The following MARCHF1 variants were observed in gnomAD, a reference collection of about 807,000 sequenced individuals.
The protein encoded by MARCHF1 is membrane associated ring-CH-type finger 1.
In MARCHF1, 40 loss-of-function variants were observed where a neutral mutation model predicts 54.2. The observed-to-expected ratio is 0.74, with a 90% CI of 0.57 to 0.96. The LOEUF (loss-of-function observed/expected upper bound fraction) is 0.96, where lower values mean the gene tolerates loss of function less well. MARCHF1 is among the 40% of genes least tolerant of loss of function. MARCHF1 has a pLI of 0.00. For missense variants in MARCHF1, 586 were observed against 656.5 expected (o/e 0.89, Z 1.17); for synonymous variants, 236 against 236.3 (o/e 1.00, Z 0.01).
At chr4:163,690,877 C>G in intron 5 of MARCHF1, among the ~76,000 whole-genome samples, 1 of 152,290 alleles carries the variant, frequency 6.6e-6, no homozygotes, top group East Asian at 1.9e-4. Flanking sequence ...ATTTTGTTCT[C>G]ATTTGGGAGC....
intron 2 of MARCHF1, among the ~76,000 whole-genome samples, chr4:163,989,338 T>C (rs2110888969): frequency 6.6e-6 from 1 of 152,078 alleles, no homozygotes; most frequent in African/African-American, 2.4e-5. Context: ...CTGGAGCAAT[T>C]GCAGATGTCT....
chr4:164,285,505 C>G (rs1734120835), intron 1 of MARCHF1, among the ~76,000 whole-genome samples: 5 of 151,960 alleles, frequency 3.3e-5, no homozygotes, highest in Admixed American at 2.6e-4. Context: ...TGCAGTGGCG[C>G]GATCTCGGCT....
intron 2 of MARCHF1, among the ~76,000 whole-genome samples, chr4:164,029,787 G>C (rs138761594): frequency 1.3e-5 from 2 of 152,030 alleles, no homozygotes; most frequent in East Asian, 1.9e-4. Context: ...TAGAGACAGC[G>C]TTTCACCGTG....
At chr4:163,638,458 C>T (rs1019579010) in intron 5 of MARCHF1, among the ~76,000 whole-genome samples, 6 of 152,068 alleles carry the variant, frequency 3.9e-5, no homozygotes, top group South Asian at 2.1e-4. Context: ...TGAGTACTAA[C>T]GCCTGCTTTG....
intron 5 of MARCHF1, among the ~76,000 whole-genome samples, chr4:163,669,834 A>G (rs1409339908): frequency 1.3e-5 from 2 of 152,022 alleles, no homozygotes; most frequent in South Asian, 2.1e-4. Flanking sequence ...TCTGAGCTCA[A>G]GCATCTGCCC....
intron 2 of MARCHF1, among the ~76,000 whole-genome samples, chr4:164,050,194 G>C (rs1754330695): frequency 7.3e-6 from 1 of 137,280 alleles, no homozygotes; most frequent in African/African-American, 2.7e-5. Flanking sequence ...AGAATCGCTT[G>C]AACCCAGGAG....
intron 3 of MARCHF1, among the ~76,000 whole-genome samples, chr4:163,902,948 C>T (rs1750973909): frequency 6.6e-6 from 1 of 152,070 alleles, no homozygotes; most frequent in South Asian, 2.1e-4. Context: ...TCGAGAGGCA[C>T]ATCATCGTCT....
At position 164,030,440 on chromosome 4, in the gene MARCHF1, G is replaced by C. The variant is rs139130625; in HGVS notation, c.-247-41731C>G. ...GAAATGCTACTGTATAATAACCTTAGATAATAATTTGCTATCTACTTTTGC... is the reference window on the plus strand; with the variant it reads ...GAAATGCTACTGTATAATAACCTTACATAATAATTTGCTATCTACTTTTGC... On this transcript the variant is annotated intron_variant, in intron 2 of 9. Coordinates refer to ENST00000514618, the MANE Select transcript of MARCHF1 (RefSeq NM_001394959.1). 7.0e-3 allele frequency among the ~76,000 whole-genome samples: 1,067 copies of C among 152,178 alleles called. 16 individuals are homozygous for C. The highest frequency in any genetic ancestry group is 0.024 in the African/African-American group (1,010 of 41,522).
chr4:164,084,895 A>C (rs1269350906), intron 2 of MARCHF1, among the ~76,000 whole-genome samples: 1 of 151,830 alleles, frequency 6.6e-6, no homozygotes. Flanking sequence ...GTGTAAGTGG[A>C]AAAGCTGATG....
At chr4:163,695,706 C>A (rs1026252094) in intron 5 of MARCHF1, among the ~76,000 whole-genome samples, 1 of 152,098 alleles carries the variant, frequency 6.6e-6, no homozygotes, top group Admixed American at 6.6e-5. Context: ...AAAGAAAATT[C>A]TGTTGACTTG....
intron 8 of MARCHF1, among the ~76,000 whole-genome samples, chr4:163,570,712 A>C (rs982352418): frequency 6.6e-6 from 1 of 152,130 alleles, no homozygotes. Context: ...TGAATTAGTT[A>C]CTATTATTTT....
chr4:164,268,832 TCTCA>T (rs1427332444), intron 1 of MARCHF1, among the ~76,000 whole-genome samples: 1 of 152,244 alleles, frequency 6.6e-6, no homozygotes, highest in East Asian at 1.9e-4. Flanking sequence ...GTTGTTCAGT[TCTCA>T]CTGTTATTTG....
chr4:164,187,403 C>G (rs1730998325), intron 1 of MARCHF1, among the ~76,000 whole-genome samples: 1 of 152,048 alleles, frequency 6.6e-6, no homozygotes, highest in African/African-American at 2.4e-5. Flanking sequence ...GCTTGAAGTC[C>G]CCTTATAAGT....
intron 5 of MARCHF1, among the ~76,000 whole-genome samples, chr4:163,636,245 G>T (rs1316889468): frequency 4.0e-5 from 6 of 151,336 alleles, no homozygotes; most frequent in Admixed American, 2.6e-4. Flanking sequence ...TTCTGGCCAG[G>T]GCAATTAGGC....
At chr4:163,709,080 C>T (rs555151962) in intron 4 of MARCHF1, among the ~76,000 whole-genome samples, 19 of 152,140 alleles carry the variant, frequency 1.2e-4, no homozygotes, top group Middle Eastern at 3.4e-3. Flanking sequence ...TCTTTAAAAA[C>T]AAACAGAACT....
At chr4:164,301,937 G>A (rs1288971998) in intron 1 of MARCHF1, among the ~76,000 whole-genome samples, 2 of 152,182 alleles carry the variant, frequency 1.3e-5, no homozygotes, top group Admixed American at 1.3e-4. Context: ...TAAGAGAGAA[G>A]ACAAATGATT....
At chr4:163,963,531 C>T (rs977244151) in intron 3 of MARCHF1, among the ~76,000 whole-genome samples, 7 of 151,842 alleles carry the variant, frequency 4.6e-5, no homozygotes, top group Non-Finnish European at 8.8e-5. Context: ...CCAAATATAA[C>T]ATTTTCAAGA....
At chr4:163,948,224 A>G (rs1016430113) in intron 3 of MARCHF1, among the ~76,000 whole-genome samples, 4 of 152,242 alleles carry the variant, frequency 2.6e-5, no homozygotes, top group Non-Finnish European at 5.9e-5. Context: ...TTACGTTTCA[A>G]TGGTTCACTA....
At chr4:164,072,669 T>C (rs1180185931) in intron 2 of MARCHF1, among the ~76,000 whole-genome samples, 3 of 140,206 alleles carry the variant, frequency 2.1e-5, no homozygotes, top group South Asian at 2.3e-4. Context: ...TTTTCAAAAA[T>C]GAGAGCACTA....
Sources: allele counts gnomAD v4.1 joint callset (sites outside exome capture counted in the v4.1 genomes callset), GRCh38; gene constraint gnomAD v4.1.1; transcripts MANE v1.5; gene names NCBI Gene and HGNC (gene_info 2026-07-23, HGNC 2026-07-21).